The following AKR1B10 variants were observed in gnomAD, a reference collection of about 807,000 sequenced individuals.
AKR1B10 encodes aldo-keto reductase family 1 member B10, also known as ARP.
A neutral mutation model predicts 38.9 loss-of-function variants in AKR1B10; 39 were observed. The observed-to-expected ratio is 1.00, with a 90% CI of 0.78 to 1.31. The LOEUF (loss-of-function observed/expected upper bound fraction) is 1.31. Ranked by LOEUF, AKR1B10 falls within the 50% of genes most tolerant of loss-of-function variation. The pLI is 0.00. For missense variants in AKR1B10, 361 were observed against 382.6 expected (o/e 0.94, Z 0.47); for synonymous variants, 148 against 141.2 (o/e 1.05, Z -0.34).
In AKR1B10 at chr7:134,536,763, G is replaced by A. The variant is rs1359562357; in HGVS notation, c.543G>A (p.Val181=). 6.2e-7 allele frequency: 1 copy of A among 1,613,692 alleles called. No individual in the cohort carries two copies. Among genetic ancestry groups the A allele is most frequent in the Non-Finnish European group, 8.5e-7 (1 of 1,179,790 alleles). The part of the protein sequence containing the change: ...LNKPGLKYKP[V]TNQVECHPYL... Reference sequence around the variant, plus strand: ...AACCTGGACTGAAATATAAACCAGTGACTAACCAGGTAAATTCTATTCAGT... The same window carrying A: ...AACCTGGACTGAAATATAAACCAGTAACTAACCAGGTAAATTCTATTCAGT... The change falls in exon 5 of 10, where the codon GTG becomes GTA. Residue 181 remains valine, a synonymous_variant. Transcript: ENST00000359579.
chr7:134,529,110 C>T (rs1585749593), intron 1 of AKR1B10, among the ~76,000 whole-genome samples: 1 of 152,174 alleles, frequency 6.6e-6, no homozygotes, highest in African/African-American at 2.4e-5. Flanking sequence ...AGTTCCTCTT[C>T]TCTCCTGTCC....
At chr7:134,528,199 G>A (rs1807744390) in intron 1 of AKR1B10, among the ~76,000 whole-genome samples, 1 of 152,232 alleles carries the variant, frequency 6.6e-6, no homozygotes, top group Admixed American at 6.5e-5. Flanking sequence ...TCTCTAGCAA[G>A]TATCAAATTT....
At chr7:134,530,866 G>C in intron 2 of AKR1B10, 56 bp downstream of exon 2, 1 of 1,555,482 alleles carries the variant, frequency 6.4e-7, no homozygotes, top group Non-Finnish European at 8.7e-7. Context: ...GAAGTATCTG[G>C]GTCGGGTTGG....
chr7:134,528,002 C>T (rs1807733946), intron 1 of AKR1B10, 25 bp downstream of exon 1: 4 of 1,612,678 alleles, frequency 2.5e-6, no homozygotes, highest in Non-Finnish European at 3.4e-6. Context: ...CTTTGCACAC[C>T]CTTCTTCTCT....
At chr7:134,537,322 A>C (rs1181042363) in intron 6 of AKR1B10, among the ~76,000 whole-genome samples, 165 bp downstream of exon 6, 1 of 152,086 alleles carries the variant, frequency 6.6e-6, no homozygotes, top group African/African-American at 2.4e-5. Context: ...AATGGGAATT[A>C]AACAACAACA....
At chr7:134,530,534 G>A (rs141404614) in intron 1 of AKR1B10, 109 bp from the exon 2 acceptor site, 4 of 1,187,774 alleles carry the variant, frequency 3.4e-6, no homozygotes, top group South Asian at 2.8e-5. Flanking sequence ...TACTCGGGAG[G>A]TGGGAGGGTT....
At chr7:134,536,287 C>G (rs1272983590) in intron 4 of AKR1B10, among the ~76,000 whole-genome samples, 1 of 152,272 alleles carries the variant, frequency 6.6e-6, no homozygotes, top group East Asian at 1.9e-4. Flanking sequence ...TAAATCATCT[C>G]ATAAGCTTAC....
At position 134,531,965 on chromosome 7, in the gene AKR1B10, A is replaced by G. The variant is rs760962667; in HGVS notation, c.292A>G (p.Lys98Glu). The change falls in exon 3 of 10, where the codon AAG (lysine) becomes GAG (glutamate). Residue 98 changes from lysine to glutamate, a missense_variant. By Grantham distance (56) the Lys-to-Glu change is moderately conservative (BLOSUM62 1). Around this residue, in one of 3 missense-constraint regions of AKR1B10, gnomAD observed 220 missense variants for 216.1 expected, o/e 1.02. Transcript: ENST00000359579. Reference protein sequence around the residue: ...LVRKAFEKTLKDLKLSYLDVY... With the variant: ...LVRKAFEKTLEDLKLSYLDVY... ...GAGGAAAGCCTTTGAGAAGACCCTC[A>G]AGGACCTGAAGCTGAGCTATCTGGA... The G allele has an allele frequency of 1.7e-5, 28 of 1,614,138 alleles. 2 individuals carry two copies. In the South Asian group the frequency reaches 3.1e-4, roughly 18 times the overall value.
intron 9 of AKR1B10, among the ~76,000 whole-genome samples, chr7:134,540,750 G>T (rs1327195460): frequency 6.6e-6 from 1 of 152,122 alleles, no homozygotes; most frequent in Non-Finnish European, 1.5e-5. Context: ...ATGATGTTGT[G>T]AGAGTGGATT....
intron 4 of AKR1B10, among the ~76,000 whole-genome samples, chr7:134,535,841 T>C (rs1807987021): frequency 6.6e-6 from 1 of 152,146 alleles, no homozygotes; most frequent in African/African-American, 2.4e-5. Context: ...CCTGACAACT[T>C]CTGGGCAGGA....
chr7:134,534,704 GA>G (rs372674361), intron 4 of AKR1B10, among the ~76,000 whole-genome samples: 25 of 152,284 alleles, frequency 1.6e-4, no homozygotes, highest in African/African-American at 5.8e-4. Flanking sequence ...CAGAGAGGAG[GA>G]AAAATGTATA....
chr7:134,537,073 C>T lies in AKR1B10; in HGVS notation c.575C>T (p.Thr192Ile), dbSNP rs753347797. The change falls in exon 6 of 10, where the codon ACA becomes ATA. Residue 192 changes from threonine to isoleucine, a missense_variant. This residue lies in a region of AKR1B10 where 9 missense variants were observed against 31.9 expected (regional missense o/e 0.28). Transcript: ENST00000359579. ...TNQVECHPYLTQEKLIQYCHS... is the reference protein window; with the variant it reads ...TNQVECHPYLIQEKLIQYCHS... ...CAGGTTGAGTGTCACCCATACCTCA[C>T]ACAGGAGAAACTGATCCAGTACTGC... 2.8e-5 allele frequency: 44 copies of T among 1,575,888 alleles called. No individual in the cohort carries two copies. Among genetic ancestry groups the T allele is most frequent in the African/African-American group, 4.2e-5 (3 of 71,864 alleles).
intron 1 of AKR1B10, 43 bp from the exon 2 acceptor site, chr7:134,530,598 CTT>C: frequency 6.2e-7 from 1 of 1,607,896 alleles, no homozygotes; most frequent in Non-Finnish European, 8.5e-7. Context: ...GGCCCCATCT[CTT>C]AAAAAAAACA....
intron 7 of AKR1B10, among the ~76,000 whole-genome samples, chr7:134,537,889 T>A (rs959247123): frequency 4.0e-5 from 6 of 151,850 alleles, no homozygotes; most frequent in Admixed American, 3.9e-4. Flanking sequence ...TACAGCCCAG[T>A]GGCAAAGCAT....
At chr7:134,538,387 T>C (rs13310067) in intron 8 of AKR1B10, 110 bp downstream of exon 8, 145 of 1,069,622 alleles carry the variant, frequency 1.4e-4, no homozygotes, top group African/African-American at 6.6e-4. Context: ...CCCCCTCCCT[T>C]CCCACCACCC....
At chr7:134,540,994 T>G in intron 9 of AKR1B10, 53 bp from the exon 10 acceptor site, 1 of 1,303,330 alleles carries the variant, frequency 7.7e-7, no homozygotes, top group Non-Finnish European at 1.1e-6. Flanking sequence ...ACCAGAGTTG[T>G]TGTTTTGATG....
intron 1 of AKR1B10, among the ~76,000 whole-genome samples, chr7:134,528,417 T>A (rs1389231166): frequency 6.6e-6 from 1 of 152,104 alleles, no homozygotes; most frequent in Admixed American, 6.6e-5. Flanking sequence ...CCCTATGACC[T>A]GGAAACTTGC....
chr7:134,537,089 C>T lies in AKR1B10; in HGVS notation c.591C>T (p.Ile197=). The T allele has an allele frequency of 1.3e-6, 2 of 1,592,204 alleles. No individual in the cohort carries two copies. The highest frequency in any genetic ancestry group is 1.7e-6 in the Non-Finnish European group (2 of 1,168,876). ...CATACCTCACACAGGAGAAACTGAT[C>T]CAGTACTGCCACTCCAAGGGCATCA... The part of the protein sequence containing the change: ...CHPYLTQEKL[I]QYCHSKGITV... The change falls in exon 6 of 10, where the codon ATC becomes ATT. Residue 197 remains isoleucine, a synonymous_variant. Coordinates refer to ENST00000359579, the MANE Select transcript of AKR1B10 (RefSeq NM_020299.5).
chr7:134,538,351 T>C, intron 8 of AKR1B10, 74 bp downstream of exon 8: 1 of 1,402,622 alleles, frequency 7.1e-7, no homozygotes, highest in Non-Finnish European at 1.0e-6. Context: ...ACTAGGCTTC[T>C]CACCTCATCG....
Sources: allele counts gnomAD v4.1 joint callset (sites outside exome capture counted in the v4.1 genomes callset), GRCh38; gene constraint gnomAD v4.1.1; regional missense constraint gnomAD v4.1.1; transcripts MANE v1.5; gene names NCBI Gene and HGNC (gene_info 2026-07-23, HGNC 2026-07-21).